Variants in OTUD7B observed in about 807,000 individuals in gnomAD.
The protein encoded by OTUD7B is OTU domain-containing protein 7B.
A neutral mutation model predicts 82.2 loss-of-function variants in OTUD7B; 34 were observed. That is an observed-to-expected ratio of 0.41 (90% confidence interval 0.31 to 0.55). The LOEUF is 0.55. Among genes scored for constraint, OTUD7B ranks in the 20% least tolerant of loss-of-function variants. The probability of loss-of-function intolerance (pLI) is 0.20; values close to 1 mark genes in which losing one functional copy is unlikely to be tolerated. For synonymous variants in OTUD7B, 398 were observed against 402.7 expected, an observed-to-expected ratio of 0.99 and a Z score of 0.14; for missense variants, 944 against 1,062.1, an observed-to-expected ratio of 0.89 and a Z score of 1.55.
the OTUD7B span, among the ~76,000 whole-genome samples, chr1:150,034,439 T>C: frequency 6.6e-6 from 1 of 152,208 alleles, no homozygotes; most frequent in Middle Eastern, 3.2e-3. Flanking sequence ...ATGACAGCCC[T>C]ATAGATATCA....
the OTUD7B span, among the ~76,000 whole-genome samples, chr1:150,022,391 C>T: frequency 4.7e-3 from 2 of 430 alleles, no homozygotes; most frequent in African/African-American, 0.018. Context: ...GAGCGAAACT[C>T]TCTACAAAAA....
At chr1:149,964,131 A>T (rs782326490) in intron 6 of OTUD7B, 91 bp downstream of exon 6, 9 of 1,467,906 alleles carry the variant, frequency 6.1e-6, no homozygotes, top group Non-Finnish European at 8.4e-6. Flanking sequence ...TGACCTAAAC[A>T]CTTGGAAATA....
At chr1:149,986,369 T>C (rs1553780814) in intron 1 of OTUD7B, among the ~76,000 whole-genome samples, 1 of 152,194 alleles carries the variant, frequency 6.6e-6, no homozygotes, top group Non-Finnish European at 1.5e-5. Flanking sequence ...CGACTTTATT[T>C]GCAACAAATT....
intron 1 of OTUD7B, among the ~76,000 whole-genome samples, chr1:150,007,547 T>C (rs587616612): frequency 1.2e-4 from 18 of 152,280 alleles, no homozygotes; most frequent in Non-Finnish European, 2.5e-4. Flanking sequence ...TACACCACCT[T>C]TCCCATCCAC....
the OTUD7B span, among the ~76,000 whole-genome samples, chr1:150,060,476 G>T: frequency 5.3e-5 from 8 of 152,224 alleles, no homozygotes; most frequent in Non-Finnish European, 7.4e-5. Flanking sequence ...TTTGACACTT[G>T]ACCTTAGACA....
Position 149,944,001 on chromosome 1 carries a change from G to C in OTUD7B, c.2388C>G (p.Pro796=). The change falls in exon 12 of 12, where the codon CCC becomes CCG. Residue 796 remains proline (P), a synonymous_variant. Transcript: ENST00000581312. ...DGWAGGLRGL[P]PTQTKCKQPN... ...GTTGTTTGCATTTGGTCTGAGTTGG[G>C]GGAAGGCCCCGGAGACCTCCAGCCC... 1 of 1,614,218 alleles carries C rather than the reference G, an allele frequency of 6.2e-7. No homozygotes were observed. The highest frequency in any genetic ancestry group is 8.5e-7 in the Non-Finnish European group (1 of 1,180,028).
chr1:150,004,045 C>T (rs146334350), intron 1 of OTUD7B, among the ~76,000 whole-genome samples: 21 of 152,216 alleles, frequency 1.4e-4, no homozygotes, highest in African/African-American at 4.6e-4. Context: ...TTGTAGTTGA[C>T]TCATCACCCT....
the OTUD7B span, among the ~76,000 whole-genome samples, chr1:150,019,806 G>A: frequency 6.6e-6 from 1 of 150,866 alleles, no homozygotes; most frequent in Non-Finnish European, 1.5e-5. Flanking sequence ...ATTGCTCTGG[G>A]ATCATTGTGT....
intron 1 of OTUD7B, among the ~76,000 whole-genome samples, chr1:149,987,312 T>C (rs1553781071): frequency 6.6e-6 from 1 of 152,198 alleles, no homozygotes; most frequent in African/African-American, 2.4e-5. Flanking sequence ...CATGTGGAAG[T>C]CCACCCTCAC....
At chr1:150,057,471 G>A in the OTUD7B span, among the ~76,000 whole-genome samples, 1 of 152,156 alleles carries the variant, frequency 6.6e-6, no homozygotes, top group Non-Finnish European at 1.5e-5. Context: ...AGGCCAAATT[G>A]GTAAGTTCTC....
At chr1:150,065,960 C>T in the OTUD7B span, among the ~76,000 whole-genome samples, 3 of 151,620 alleles carry the variant, frequency 2.0e-5, no homozygotes, top group Non-Finnish European at 2.9e-5. Context: ...GTATTTTCCT[C>T]GTCCCTCAAA....
chr1:150,067,614 G>T, the OTUD7B span: 1 of 503,026 alleles, frequency 2.0e-6, no homozygotes, highest in Non-Finnish European at 3.5e-6. Context: ...CAGGTGGGTG[G>T]AGAATAACGC....
intron 1 of OTUD7B, among the ~76,000 whole-genome samples, chr1:149,979,009 CTG>C (rs1246986248): frequency 1.9e-5 from 1 of 52,238 alleles, no homozygotes; most frequent in African/African-American, 8.8e-5. Context: ...CTTGCTAACA[CTG>C]GATTTTTTTT....
At chr1:150,050,659 C>G in the OTUD7B span, 2 of 151,994 alleles carry the variant, frequency 1.3e-5, no homozygotes, top group Non-Finnish European at 2.9e-5. Context: ...AGGCTAAATC[C>G]AACACTAAAC....
At chr1:149,987,882 A>G (rs1559857592) in intron 1 of OTUD7B, among the ~76,000 whole-genome samples, 1 of 152,142 alleles carries the variant, frequency 6.6e-6, no homozygotes, top group Non-Finnish European at 1.5e-5. Flanking sequence ...GTCCCTTCCT[A>G]GATGTACACA....
the OTUD7B span, among the ~76,000 whole-genome samples, chr1:150,063,494 A>G: frequency 3.7e-4 from 56 of 152,350 alleles, 2 homozygotes; most frequent in Middle Eastern, 0.024. Flanking sequence ...GTTGCAATAC[A>G]GAAATCCAGT....
chr1:149,974,529 C>CTTTTTTTTTTT (rs1258979889), intron 2 of OTUD7B, among the ~76,000 whole-genome samples: 3 of 135,724 alleles, frequency 2.2e-5, no homozygotes, highest in Non-Finnish European at 3.1e-5. Flanking sequence ...TTTTATTTTT[C>CTTTTTTTTTTT]TTCTTTTTTT....
chr1:149,957,626 C>T (rs1382093377), intron 7 of OTUD7B, among the ~76,000 whole-genome samples: 7 of 152,326 alleles, frequency 4.6e-5, no homozygotes, highest in East Asian at 1.9e-4. Context: ...TATGCCCTGC[C>T]GCCAGAGGTG....
At chr1:150,058,225 A>G in the OTUD7B span, among the ~76,000 whole-genome samples, 2 of 152,192 alleles carry the variant, frequency 1.3e-5, no homozygotes, top group African/African-American at 4.8e-5. Context: ...CTAGTTAAAA[A>G]CAAAGGATAT....
Sources: gnomAD v4.1 joint callset for allele counts (sites outside exome capture counted in the v4.1 genomes callset) on GRCh38, gnomAD v4.1.1 for gene constraint, MANE v1.5 for transcripts, NCBI Gene and HGNC (gene_info 2026-07-23, HGNC 2026-07-21) for gene names.